DZIP3: variants seen among roughly 807,000 people sequenced by gnomAD.
The protein encoded by DZIP3 is E3 ubiquitin-protein ligase DZIP3.
A neutral mutation model predicts 162.0 loss-of-function variants in DZIP3; 118 were observed. The observed-to-expected ratio is 0.73, with a 90% CI of 0.63 to 0.85. DZIP3 has a LOEUF of 0.85. Among genes scored for constraint, DZIP3 ranks in the 40% least tolerant of loss-of-function variants. DZIP3 has a pLI of 0.00. For synonymous variants in DZIP3, 438 were observed against 458.6 expected, an observed-to-expected ratio of 0.96 and a Z score of 0.57; for missense variants, 1,331 against 1,407.0, an observed-to-expected ratio of 0.95 and a Z score of 0.86.
chr3:108,686,196 TATTA>T (rs934559184), intron 27 of DZIP3, among the ~76,000 whole-genome samples: 4 of 152,228 alleles, frequency 2.6e-5, no homozygotes, highest in African/African-American at 9.6e-5. Context: ...ATATTGTTTG[TATTA>T]GTTAAGAGAA....
intron 5 of DZIP3, among the ~76,000 whole-genome samples, chr3:108,623,752 G>T (rs114137212): frequency 0.019 from 2,894 of 152,278 alleles, 100 homozygotes; most frequent in African/African-American, 0.067. Context: ...TGCCTTTTAT[G>T]TAGGACCCCA....
At chr3:108,669,087 A>T (rs78426599) in intron 21 of DZIP3, among the ~76,000 whole-genome samples, 4,287 of 152,060 alleles carry the variant, frequency 0.028, 219 homozygotes, top group African/African-American at 0.098. Context: ...TTTGAAGCTG[A>T]TCACAGGCTA....
chr3:108,643,253 A>C (rs1425933998), intron 13 of DZIP3, among the ~76,000 whole-genome samples: 1 of 152,194 alleles, frequency 6.6e-6, no homozygotes, highest in Non-Finnish European at 1.5e-5. Context: ...AGTACTTTCT[A>C]ATTCACTTCA....
At chr3:108,631,052 C>CACACACACACACACACACACACACAT (rs1168781519) in intron 8 of DZIP3, among the ~76,000 whole-genome samples, 5 of 102,232 alleles carry the variant, frequency 4.9e-5, no homozygotes, top group Non-Finnish European at 1.1e-4. Flanking sequence ...CACACACACA[C>CACACACACACACACACACACACACAT]ACACTCTCTC....
rs1054889614 is a variant in DZIP3, at chr3:108,597,673, C to T, written c.-72-7662C>T. On this transcript the variant is annotated intron_variant, in intron 1 of 32. Coordinates refer to ENST00000361582, the MANE Select transcript of DZIP3 (RefSeq NM_014648.4). ...CTGAATTAAAATGTGAAGCTGTTTT[C>T]GAAGACAGTAGTGTCCAGAGTACAG... 2.6e-5 allele frequency among the ~76,000 whole-genome samples: 4 copies of T among 152,134 alleles called. No individual in the cohort carries two copies. The East Asian group carries it at 7.7e-4, about 29-fold the overall frequency.
chr3:108,615,487 G>A (rs1940955168), intron 4 of DZIP3, among the ~76,000 whole-genome samples: 1 of 152,148 alleles, frequency 6.6e-6, no homozygotes, highest in Non-Finnish European at 1.5e-5. Flanking sequence ...AACATGTATT[G>A]ATAGAGAAGA....
intron 22 of DZIP3, among the ~76,000 whole-genome samples, chr3:108,670,507 G>A (rs569460192): frequency 6.6e-6 from 1 of 151,694 alleles, no homozygotes; most frequent in South Asian, 2.1e-4. Context: ...CCATTCCTTG[G>A]CTATACCTTA....
At chr3:108,653,442 C>T (rs1210764773) in intron 18 of DZIP3, among the ~76,000 whole-genome samples, 1 of 147,738 alleles carries the variant, frequency 6.8e-6, no homozygotes, top group East Asian at 1.9e-4. Context: ...AGTGAAAGGA[C>T]AGTAGCATGC....
intron 1 of DZIP3, among the ~76,000 whole-genome samples, chr3:108,591,846 A>C (rs1939435817): frequency 6.6e-6 from 1 of 152,132 alleles, no homozygotes; most frequent in African/African-American, 2.4e-5. Flanking sequence ...AAATGAAAAA[A>C]TTAGCCGGGC....
rs145767744 is a variant in DZIP3 at position 108,648,041 on chromosome 3, G to A, written c.1891G>A (p.Ala631Thr). The change falls in exon 16 of 33, where the codon GCA becomes ACA. Residue 631 changes from alanine (A) to threonine (T), a missense_variant. Ala to Thr is a moderately conservative substitution (Grantham distance 58). Coordinates refer to ENST00000361582, the MANE Select transcript of DZIP3 (RefSeq NM_014648.4). ...GAAATCACACCCTGAGATACAGTTT[G>A]CAGAAATTAATAAAGATGGGACCTC... is the stretch of plus-strand genomic sequence containing the variant. Reference protein sequence around the residue: ...NVKSHPEIQFAEINKDGTSIP... With the variant: ...NVKSHPEIQFTEINKDGTSIP... 436 of 1,612,166 alleles carry A rather than the reference G, an allele frequency of 2.7e-4. 1 individual carries two copies. In the African/African-American group the frequency reaches 5.3e-3, roughly 20 times the overall value.
intron 26 of DZIP3, 145 bp downstream of exon 26, chr3:108,677,743 T>A: frequency 1.4e-6 from 1 of 727,032 alleles, no homozygotes; most frequent in South Asian, 1.6e-5. Context: ...ATTATGACCA[T>A]ACCTTCGAGT....
rs1944785693 is a variant in DZIP3 at position 108,693,781 on chromosome 3, A to G, written c.*428A>G. 1.3e-5 allele frequency: 2 copies of G among 152,276 alleles called. No individual in the cohort carries two copies. Among genetic ancestry groups the G allele is most frequent in the South Asian group, 4.1e-4 (2 of 4,828 alleles). The allele number at this position is 152,276 out of a possible 1,614,324, so 9.4% of individuals were successfully genotyped here. On this transcript the variant is annotated 3_prime_UTR_variant, in exon 33 of 33. Transcript: ENST00000361582. ...TGTTCCTTGGACCTTAATCATTTGC[A>G]TTTTGGAGAAAATTTTTTCTGCTTT...
intron 19 of DZIP3, among the ~76,000 whole-genome samples, chr3:108,658,348 G>A (rs1351044298): frequency 1.3e-4 from 20 of 151,996 alleles, no homozygotes; most frequent in African/African-American, 2.2e-4. Flanking sequence ...ACTCAAAACC[G>A]CTCAACTACA....
At chr3:108,627,660 A>G (rs1387034057) in intron 7 of DZIP3, among the ~76,000 whole-genome samples, 2 of 152,138 alleles carry the variant, frequency 1.3e-5, no homozygotes, top group Non-Finnish European at 2.9e-5. Context: ...ATTACGGAAG[A>G]GTTTTTCCAT....
At chr3:108,645,496 G>A (rs1008036936) in intron 14 of DZIP3, among the ~76,000 whole-genome samples, 4 of 152,054 alleles carry the variant, frequency 2.6e-5, no homozygotes, top group Non-Finnish European at 5.9e-5. Context: ...CTATTGATAC[G>A]GAAAAGACTT....
chr3:108,674,299 C>T, intron 24 of DZIP3, 118 bp downstream of exon 24: 1 of 797,392 alleles, frequency 1.3e-6, no homozygotes, highest in Non-Finnish European at 1.9e-6. Context: ...CTTAAAGAAG[C>T]TCTTGTGGTT....
intron 19 of DZIP3, among the ~76,000 whole-genome samples, chr3:108,657,033 G>A (rs1943161379): frequency 6.6e-6 from 1 of 152,212 alleles, no homozygotes; most frequent in Admixed American, 6.5e-5. Context: ...GTGATGGGGA[G>A]AATGCAACCA....
chr3:108,684,572 G>C (rs1944434153), intron 27 of DZIP3, among the ~76,000 whole-genome samples: 2 of 152,180 alleles, frequency 1.3e-5, no homozygotes, highest in South Asian at 4.2e-4. Flanking sequence ...TTTTATACTA[G>C]AGAATCCTTA....
chr3:108,633,090 T>C lies in DZIP3; in HGVS notation c.816+18T>C. On this transcript the variant is annotated intron_variant, in intron 9 of 32. Transcript: ENST00000361582. Reference sequence around the variant, plus strand: ...GTTATAAGGTACTGTAATTGTCAATTAACAGTATTTTTAAAAAGTAATTGA... The same window carrying C: ...GTTATAAGGTACTGTAATTGTCAATCAACAGTATTTTTAAAAAGTAATTGA... The C allele has an allele frequency of 2.3e-6, 3 of 1,319,408 alleles. No individual in the cohort carries two copies. The highest frequency in any genetic ancestry group is 2.9e-6 in the Non-Finnish European group (3 of 1,017,764). 81.7% of individuals were successfully genotyped at this position (1,319,408 alleles called of 1,614,324 possible). A position where few individuals can be genotyped will look rare whatever the true frequency, so the allele number is the denominator to read the frequency against.
Sources: allele counts gnomAD v4.1 joint callset (sites outside exome capture counted in the v4.1 genomes callset), GRCh38; gene constraint gnomAD v4.1.1; transcripts MANE v1.5; gene names NCBI Gene and HGNC (gene_info 2026-07-23, HGNC 2026-07-21).